The following SSBP3 variants were observed in gnomAD, a reference collection of about 807,000 sequenced individuals.
SSBP3 encodes single stranded DNA binding protein 3.
In SSBP3, 5 loss-of-function variants were observed where a neutral mutation model predicts 69.6. The observed-to-expected ratio is 0.07, with a 90% CI of 0.04 to 0.15. SSBP3 has a LOEUF of 0.15. Among genes scored for constraint, SSBP3 ranks in the 10% least tolerant of loss-of-function variants. The pLI is 1.00. For missense variants in SSBP3, 312 were observed against 534.0 expected (o/e 0.58, Z 4.10); for synonymous variants, 196 against 193.4 (o/e 1.01, Z -0.11).
At chr1:54,280,747 C>T (rs1319962276) in intron 5 of SSBP3, among the ~76,000 whole-genome samples, 3 of 124,376 alleles carry the variant, frequency 2.4e-5, no homozygotes, top group East Asian at 1.9e-4. Flanking sequence ...GGGTGGCAGC[C>T]GCGCCCAACC....
intron 5 of SSBP3, among the ~76,000 whole-genome samples, chr1:54,263,093 T>C (rs1645042999): frequency 6.6e-6 from 1 of 152,184 alleles, no homozygotes; most frequent in African/African-American, 2.4e-5. Flanking sequence ...CAGGAGGCTC[T>C]GTTATGGGTG....
intron 4 of SSBP3, among the ~76,000 whole-genome samples, chr1:54,344,655 G>T (rs1016582312): frequency 6.6e-6 from 1 of 152,114 alleles, no homozygotes; most frequent in East Asian, 1.9e-4. Context: ...GGAAACATCC[G>T]ATCAATCTTT....
intron 4 of SSBP3, among the ~76,000 whole-genome samples, chr1:54,389,121 C>G (rs213491): frequency 6.6e-6 from 1 of 152,150 alleles, no homozygotes; most frequent in Non-Finnish European, 1.5e-5. Context: ...GTTCTACCAA[C>G]CTGGTGTGCT....
At chr1:54,305,753 C>T (rs907725512) in intron 4 of SSBP3, among the ~76,000 whole-genome samples, 6 of 151,536 alleles carry the variant, frequency 4.0e-5, no homozygotes, top group South Asian at 2.1e-4. Flanking sequence ...CCACTGCGTC[C>T]GGCTGAGTTT....
chr1:54,354,087 A>G (rs1400648884), intron 4 of SSBP3, among the ~76,000 whole-genome samples: 1 of 152,132 alleles, frequency 6.6e-6, no homozygotes, highest in Admixed American at 6.5e-5. Context: ...ATGCCCAACA[A>G]AAGATGGGAC....
At chr1:54,239,456 A>G (rs1055521490) in intron 13 of SSBP3, among the ~76,000 whole-genome samples, 6 of 152,150 alleles carry the variant, frequency 3.9e-5, no homozygotes, top group African/African-American at 1.4e-4. Flanking sequence ...TTGTCTCCCC[A>G]CCCCACACCG....
At chr1:54,411,614 C>T (rs932186602) in intron 1 of SSBP3, among the ~76,000 whole-genome samples, 26 of 152,000 alleles carry the variant, frequency 1.7e-4, no homozygotes, top group South Asian at 2.1e-4. Flanking sequence ...AGAAGGCTGC[C>T]GGGCGCGGTG....
intron 4 of SSBP3, among the ~76,000 whole-genome samples, chr1:54,388,606 T>C (rs2100755751): frequency 6.6e-6 from 1 of 152,344 alleles, no homozygotes; most frequent in East Asian, 1.9e-4. Context: ...CCGGACTCGC[T>C]GTCCAGTGAT....
chr1:54,279,883 C>G (rs550277026), intron 5 of SSBP3, among the ~76,000 whole-genome samples: 30 of 152,220 alleles, frequency 2.0e-4, no homozygotes, highest in Non-Finnish European at 3.7e-4. Flanking sequence ...GTCTAACTCT[C>G]AACCCATCTT....
intron 4 of SSBP3, among the ~76,000 whole-genome samples, chr1:54,331,094 G>A (rs1556528): frequency 0.22 from 33,966 of 152,128 alleles, 6,857 homozygotes; most frequent in African/African-American, 0.53. Context: ...AGAAATAAAG[G>A]TTTATACATG....
chr1:54,252,820 C>T (rs909284764), intron 7 of SSBP3, among the ~76,000 whole-genome samples: 1 of 152,224 alleles, frequency 6.6e-6, no homozygotes, highest in African/African-American at 2.4e-5. Flanking sequence ...TAAATATGAG[C>T]TTTTGCCTTC....
chr1:54,369,227 G>GA (rs916426841), intron 4 of SSBP3, among the ~76,000 whole-genome samples: 1 of 147,134 alleles, frequency 6.8e-6, no homozygotes, highest in Non-Finnish European at 1.5e-5. Context: ...TCGGGGGGGG[G>GA]GCCCAAGCCA....
At chr1:54,316,352 T>C (rs907275110) in intron 4 of SSBP3, among the ~76,000 whole-genome samples, 1 of 135,842 alleles carries the variant, frequency 7.4e-6, no homozygotes, top group Admixed American at 7.3e-5. Flanking sequence ...CAAAAATAAA[T>C]AAATAGGCCG....
At chr1:54,271,792 T>TA (rs1424385199) in intron 5 of SSBP3, among the ~76,000 whole-genome samples, 3 of 152,182 alleles carry the variant, frequency 2.0e-5, no homozygotes, top group African/African-American at 7.2e-5. Flanking sequence ...TTTTTTGAGA[T>TA]AGAGTCTTGC....
At chr1:54,371,085 G>C (rs117839245) in intron 4 of SSBP3, among the ~76,000 whole-genome samples, 6 of 152,254 alleles carry the variant, frequency 3.9e-5, no homozygotes, top group African/African-American at 1.2e-4. Context: ...ACCACCCAAG[G>C]GGGGGTATGC....
At chr1:54,399,998 G>A (rs1557594318) in intron 4 of SSBP3, among the ~76,000 whole-genome samples, 1 of 152,084 alleles carries the variant, frequency 6.6e-6, no homozygotes, top group Non-Finnish European at 1.5e-5. Flanking sequence ...TGAAGTGTAG[G>A]CCTCAATTAG....
chr1:54,228,896 C>G, intron 14 of SSBP3, 70 bp from the exon 15 acceptor site: 1 of 1,510,904 alleles, frequency 6.6e-7, no homozygotes, highest in Non-Finnish European at 9.1e-7. Context: ...AGGCAGGGGG[C>G]TGCAGCCACG....
intron 7 of SSBP3, among the ~76,000 whole-genome samples, chr1:54,253,286 G>T (rs1644864902): frequency 6.7e-6 from 1 of 149,526 alleles, no homozygotes; most frequent in Non-Finnish European, 1.5e-5. Context: ...CGAACTCCCA[G>T]GTTCAAGCAA....
chr1:54,257,196 T>C lies in SSBP3; in HGVS notation c.448-10A>G. ...GCGGTGACATAAAAGGCTGCAATTA[T>C]AGGTAATTAGTTCAATGACAGCCTG... On this transcript the variant is annotated splice_polypyrimidine_tract_variant and intron_variant, in intron 6 of 17. Transcript: ENST00000610401. 1 of 1,592,330 alleles carries C rather than the reference T, an allele frequency of 6.3e-7. No homozygotes were observed. Among genetic ancestry groups the C allele is most frequent in the Non-Finnish European group, 8.5e-7 (1 of 1,171,814 alleles).
Sources: gnomAD v4.1 joint callset for allele counts (sites outside exome capture counted in the v4.1 genomes callset) on GRCh38, gnomAD v4.1.1 for gene constraint, MANE v1.5 for transcripts, NCBI Gene and HGNC (gene_info 2026-07-23, HGNC 2026-07-21) for gene names.